Variants in INHBA observed in about 807,000 individuals in gnomAD.
The protein encoded by INHBA is inhibin subunit beta A, also known as inhibin beta A chain.
In INHBA, 1 loss-of-function variant was observed where a neutral mutation model predicts 29.0. That is an observed-to-expected ratio of 0.03 (90% CI 0.01 to 0.16). The LOEUF (loss-of-function observed/expected upper bound fraction) is 0.16, where lower values mean the gene tolerates loss of function less well. INHBA is among the 10% of genes least tolerant of loss of function. The pLI is 1.00. For synonymous variants in INHBA, 242 were observed against 216.8 expected (o/e 1.12, Z -1.02); for missense variants, 376 against 545.4 (o/e 0.69, Z 3.09).
intron 2 of INHBA, among the ~76,000 whole-genome samples, chr7:41,699,041 G>T (rs1794712221): frequency 6.6e-6 from 1 of 152,200 alleles, no homozygotes; most frequent in African/African-American, 2.4e-5. Flanking sequence ...GGCATGCAAA[G>T]GATCTGTGTC....
Position 41,690,184 on chromosome 7 carries a change from C to A in INHBA, c.747G>T (p.Glu249Asp). The A allele has an allele frequency of 6.2e-7, 1 of 1,613,918 alleles. No individual in the cohort carries two copies. Among genetic ancestry groups the A allele is most frequent in the Non-Finnish European group, 8.5e-7 (1 of 1,180,016 alleles). ...CCAGGAGAACCAAGCTGGCGCCACT[C>A]TCCTGGCACTGCTCACAGGCAATCC... ...DVRIACEQCQ[E>D]SGASLVLLGK... The change falls in exon 3 of 3, where the codon GAG (glutamate) becomes GAT (aspartate). Residue 249 changes from glutamate (E) to aspartate (D), a missense_variant. Physicochemically the swap from Glu to Asp is conservative, Grantham distance 45 (BLOSUM62 2). Coordinates refer to ENST00000242208, the MANE Select transcript of INHBA (RefSeq NM_002192.4).
At chr7:41,693,630 T>A (rs1448274840) in intron 2 of INHBA, among the ~76,000 whole-genome samples, 2 of 152,176 alleles carry the variant, frequency 1.3e-5, no homozygotes, top group Non-Finnish European at 1.5e-5. Context: ...TGAGAGAGGA[T>A]TGTACAAAGA....
At chr7:41,696,954 A>C (rs1167026945) in intron 2 of INHBA, among the ~76,000 whole-genome samples, 1 of 152,130 alleles carries the variant, frequency 6.6e-6, no homozygotes, top group African/African-American at 2.4e-5. Context: ...TATTCTTTCT[A>C]CAACAAGTGC....
At chr7:41,698,717 C>CA (rs1794705064) in intron 2 of INHBA, among the ~76,000 whole-genome samples, 1 of 152,182 alleles carries the variant, frequency 6.6e-6, no homozygotes, top group Non-Finnish European at 1.5e-5. Context: ...GCCACACAGC[C>CA]AGCAGGCTAT....
At chr7:41,694,096 T>G (rs923018577) in intron 2 of INHBA, 1 of 152,212 alleles carries the variant, frequency 6.6e-6, no homozygotes, top group Non-Finnish European at 1.5e-5. Flanking sequence ...CAGGTACATT[T>G]TACAAGTTCT....
chr7:41,700,937 G>A (rs567090939), intron 1 of INHBA, among the ~76,000 whole-genome samples: 2 of 151,446 alleles, frequency 1.3e-5, no homozygotes, highest in South Asian at 4.2e-4. Flanking sequence ...TGTGAGTAGG[G>A]CTGTGATTAG....
Position 41,687,085 on chromosome 7 carries a change from C to T in INHBA, c.*2565G>A. ...ACCTGGATTAGAATCCACTCTCAAG[C>T]TTCTCATGCAGTGCGTATTGTATTT... is the stretch of plus-strand genomic sequence containing the variant. On this transcript the variant is annotated 3_prime_UTR_variant, in exon 3 of 3. Coordinates refer to ENST00000242208, the MANE Select transcript of INHBA (RefSeq NM_002192.4). 6.6e-6 allele frequency: 1 copy of T among 152,220 alleles called. No homozygotes were observed. The highest frequency in any genetic ancestry group is 1.5e-5 in the Non-Finnish European group (1 of 68,026). 9.4% of individuals were successfully genotyped at this position (152,220 alleles called of 1,614,324 possible).
At chr7:41,698,283 G>A (rs529407134) in intron 2 of INHBA, among the ~76,000 whole-genome samples, 1 of 152,016 alleles carries the variant, frequency 6.6e-6, no homozygotes, top group South Asian at 2.1e-4. Flanking sequence ...ACGGTAGTGC[G>A]GTTAAAAGTG....
upstream of INHBA, among the ~76,000 whole-genome samples, chr7:41,703,754 TCTAA>T (rs1794848220): frequency 7.6e-6 from 1 of 131,646 alleles, no homozygotes; most frequent in Admixed American, 7.7e-5. Flanking sequence ...AGAATCTCAT[TCTAA>T]CTAACCAAAC....
upstream of INHBA, among the ~76,000 whole-genome samples, chr7:41,703,356 T>C (rs1794837729): frequency 6.6e-6 from 1 of 152,206 alleles, no homozygotes; most frequent in Admixed American, 6.5e-5. Context: ...CAAATAGATA[T>C]GTCTCAATGA....
At chr7:41,705,219 C>G (rs921061859), upstream of INHBA, 1 of 153,438 alleles carries the variant, frequency 6.5e-6, no homozygotes, top group Non-Finnish European at 1.5e-5. Context: ...TCACTTCCCC[C>G]TCCCCCGGAG....
chr7:41,694,291 G>T (rs879736829), intron 2 of INHBA, among the ~76,000 whole-genome samples: 1 of 152,078 alleles, frequency 6.6e-6, no homozygotes, highest in Non-Finnish European at 1.5e-5. Flanking sequence ...TAAATAACAG[G>T]TCAATTTATT....
intron 2 of INHBA, among the ~76,000 whole-genome samples, chr7:41,696,846 T>C (rs973758652): frequency 2.6e-5 from 4 of 152,118 alleles, no homozygotes; most frequent in Non-Finnish European, 4.4e-5. Context: ...CTTCCATACA[T>C]AGTATCCTCC....
At chr7:41,704,134 G>A (rs947903327), upstream of INHBA, among the ~76,000 whole-genome samples, 2 of 152,138 alleles carry the variant, frequency 1.3e-5, no homozygotes, top group African/African-American at 4.8e-5. Context: ...TTGTATGCAG[G>A]ATTTAACATG....
At chr7:41,699,634 C>T (rs1036400123) in intron 2 of INHBA, among the ~76,000 whole-genome samples, 7 of 152,114 alleles carry the variant, frequency 4.6e-5, no homozygotes, top group Non-Finnish European at 7.3e-5. Flanking sequence ...CGCGGCTTTC[C>T]TCCGGCTGCT....
At chr7:41,699,415 C>G (rs1325888497) in intron 2 of INHBA, among the ~76,000 whole-genome samples, 1 of 152,106 alleles carries the variant, frequency 6.6e-6, no homozygotes, top group African/African-American at 2.4e-5. Context: ...TAGACATTTT[C>G]TAAAGGTAAA....
In INHBA at chr7:41,686,252, T is replaced by C. The variant is rs1230268032; in HGVS notation, c.*3398A>G. On this transcript the variant is annotated 3_prime_UTR_variant, in exon 3 of 3. Transcript: ENST00000242208. ...TGGAAAAAATAGTCGAAAATGTCAA[T>C]TTGGTCCATAAAATACATGTTACTA... 6.6e-6 allele frequency: 1 copy of C among 152,138 alleles called. No homozygotes were observed. Among genetic ancestry groups the C allele is most frequent in the African/African-American group, 2.4e-5 (1 of 41,436 alleles). 9.4% of individuals were successfully genotyped at this position (152,138 alleles called of 1,614,324 possible).
Position 41,700,443 on chromosome 7 carries a change from G to GT in INHBA, c.-70dup. The GT allele has an allele frequency of 2.3e-6, 3 of 1,305,988 alleles. No individual in the cohort carries two copies. Among genetic ancestry groups the GT allele is most frequent in the African/African-American group, 1.5e-5 (1 of 66,580 alleles). The allele number at this position is 1,305,988 out of a possible 1,614,324, so 80.9% of individuals were successfully genotyped here. A position where few individuals can be genotyped will look rare whatever the true frequency, so the allele number is the denominator to read the frequency against. On this transcript the variant is annotated 5_prime_UTR_variant, in exon 2 of 3. Coordinates refer to ENST00000242208, the MANE Select transcript of INHBA (RefSeq NM_002192.4). The stretch of plus-strand genomic sequence containing the variant: ...GCTTTTCCTCCCCCCTCACGCGCAG[G>GT]TTTTTTTGTGTGTGTGGATTTTTTT...
chr7:41,698,247 T>A (rs972594119), intron 2 of INHBA, among the ~76,000 whole-genome samples: 1 of 152,090 alleles, frequency 6.6e-6, no homozygotes, highest in African/African-American at 2.4e-5. Flanking sequence ...GTCCAGTAAG[T>A]CAGAAAGAGG....
Sources: allele counts gnomAD v4.1 joint callset (sites outside exome capture counted in the v4.1 genomes callset), GRCh38; gene constraint gnomAD v4.1.1; transcripts MANE v1.5; gene names NCBI Gene and HGNC (gene_info 2026-07-23, HGNC 2026-07-21).